The following POLDIP3 variants were observed in gnomAD, a reference collection of about 807,000 sequenced individuals.
The protein encoded by POLDIP3 is polymerase delta-interacting protein 3.
Under a neutral mutation model 45.1 loss-of-function variants are expected in POLDIP3, and 14 were observed. The ratio of observed to expected loss-of-function variants is 0.31; its 90% CI spans 0.20 to 0.49. POLDIP3 has a LOEUF of 0.49. POLDIP3 is among the 20% of genes least tolerant of loss of function. The probability of loss-of-function intolerance (pLI) is 0.99; values close to 1 mark genes in which losing one functional copy is unlikely to be tolerated. For synonymous variants in POLDIP3, 223 were observed against 205.2 expected (o/e 1.09, Z -0.74); for missense variants, 511 against 538.8 (o/e 0.95, Z 0.51).
chr22:42,586,361 A>C (rs185799278), intron 8 of POLDIP3, among the ~76,000 whole-genome samples: 41 of 151,530 alleles, frequency 2.7e-4, no homozygotes, highest in Admixed American at 8.6e-4. Context: ...ACAGAATCTC[A>C]CTCTGTCACC....
intron 1 of POLDIP3, among the ~76,000 whole-genome samples, chr22:42,606,641 A>G (rs1166115626): frequency 6.6e-6 from 1 of 152,222 alleles, no homozygotes; most frequent in Non-Finnish European, 1.5e-5. Context: ...ATTTTAAAAA[A>G]TTTAAAAGGA....
chr22:42,604,294 G>A (rs982834947), intron 1 of POLDIP3, among the ~76,000 whole-genome samples: 1 of 152,102 alleles, frequency 6.6e-6, no homozygotes, highest in South Asian at 2.1e-4. Flanking sequence ...GGGGCGGGGG[G>A]AGGAGAATGG....
chr22:42,587,501 C>G lies in POLDIP3; in HGVS notation c.1088+5G>C. The stretch of plus-strand genomic sequence containing the variant: ...TCTCCCCAGCACCCCGCCTTTGGAA[C>G]TCACAGCAGGATGGGCTGGTCTGAG... On this transcript the variant is annotated splice_donor_5th_base_variant and intron_variant, in intron 8 of 8. Coordinates refer to ENST00000252115, the MANE Select transcript of POLDIP3 (RefSeq NM_032311.5). The G allele has an allele frequency of 6.2e-7, 1 of 1,613,042 alleles. No individual in the cohort carries two copies. Among genetic ancestry groups the G allele is most frequent in the Non-Finnish European group, 8.5e-7 (1 of 1,179,014 alleles).
At position 42,609,443 on chromosome 22, in the gene POLDIP3, G is replaced by A. The variant is rs538604460; in HGVS notation, c.59+5356C>T. On this transcript the variant is annotated intron_variant, in intron 1 of 8. Transcript: ENST00000252115. ...AAATTCTCTCCTCTATACCCCCTAC[G>A]GGAACCTGGCATAGGTGTGATGACC... Among the ~76,000 whole-genome samples the A allele has an allele frequency of 2.4e-4, 37 of 152,272 alleles. 2 individuals are homozygous for A. Among genetic ancestry groups the A allele is most frequent in the African/African-American group, 8.9e-4 (37 of 41,554 alleles).
chr22:42,588,820 G>A (rs1480278149), intron 7 of POLDIP3, among the ~76,000 whole-genome samples: 1 of 152,080 alleles, frequency 6.6e-6, no homozygotes, highest in Non-Finnish European at 1.5e-5. Flanking sequence ...TAGAGATGGG[G>A]TTTCCTCATA....
intron 6 of POLDIP3, among the ~76,000 whole-genome samples, chr22:42,593,839 A>C (rs1011393040): frequency 3.3e-5 from 5 of 152,142 alleles, no homozygotes; most frequent in African/African-American, 1.2e-4. Context: ...ATTCTTAATG[A>C]CTTGTCAAGT....
chr22:42,588,004 T>C (rs902518777), intron 7 of POLDIP3, among the ~76,000 whole-genome samples: 5 of 152,284 alleles, frequency 3.3e-5, no homozygotes, highest in African/African-American at 1.2e-4. Context: ...AAGCATAACA[T>C]GTGTAACGGT....
At position 42,614,878 on chromosome 22, in the gene POLDIP3, G is replaced by T. The variant is rs774110822; in HGVS notation, c.-21C>A. ...GCCATCTTGCTCCGCCGAGCAAGCCGAAAGCAGTCGAGACCCCGCGAGCCC... is the reference window on the plus strand; with the variant it reads ...GCCATCTTGCTCCGCCGAGCAAGCCTAAAGCAGTCGAGACCCCGCGAGCCC... On this transcript the variant is annotated 5_prime_UTR_variant, in exon 1 of 9. Transcript: ENST00000252115. 1 of 1,613,814 alleles carries T rather than the reference G, an allele frequency of 6.2e-7. No individual in the cohort carries two copies. Among genetic ancestry groups the T allele is most frequent in the South Asian group, 1.1e-5 (1 of 91,082 alleles).
intron 1 of POLDIP3, 74 bp downstream of exon 1, chr22:42,614,725 G>C (rs1292691651): frequency 5.2e-6 from 8 of 1,534,884 alleles, no homozygotes; most frequent in Admixed American, 1.7e-5. Flanking sequence ...GTCGCTCCCG[G>C]ATCGCTACCT....
At chr22:42,605,458 G>A (rs1426071694) in intron 1 of POLDIP3, among the ~76,000 whole-genome samples, 2 of 152,200 alleles carry the variant, frequency 1.3e-5, no homozygotes, top group African/African-American at 4.8e-5. Flanking sequence ...CCAGCTTAGG[G>A]TATTTTCTTA....
intron 1 of POLDIP3, among the ~76,000 whole-genome samples, chr22:42,607,862 C>G (rs1399422990): frequency 1.3e-5 from 2 of 150,416 alleles, no homozygotes; most frequent in African/African-American, 4.9e-5. Context: ...TGAGGAGCCC[C>G]TCCGCCCAGC....
chr22:42,587,392 A>G, intron 8 of POLDIP3, 114 bp downstream of exon 8: 1 of 1,114,818 alleles, frequency 9.0e-7, no homozygotes, highest in South Asian at 1.4e-5. Context: ...CCATTAGAAC[A>G]GAGGAAACGG....
chr22:42,585,677 AC>A lies in POLDIP3; in HGVS notation c.*113del. On this transcript the variant is annotated 3_prime_UTR_variant, in exon 9 of 9. Transcript: ENST00000252115. ...GTGAGGAAGCTCTTTATCCCTGGCA[AC>A]CCTTCCCACAATCAGGGGTCTCCAG... The A allele has an allele frequency of 7.7e-7, 1 of 1,293,358 alleles. No individual in the cohort carries two copies. Among genetic ancestry groups the A allele is most frequent in the Non-Finnish European group, 1.1e-6 (1 of 931,978 alleles). The allele number at this position is 1,293,358 out of a possible 1,614,324, so 80.1% of individuals were successfully genotyped here. A position where few individuals can be genotyped will look rare whatever the true frequency, so the allele number is the denominator to read the frequency against.
chr22:42,596,482 T>G, intron 4 of POLDIP3, 117 bp from the exon 5 acceptor site: 1 of 1,045,950 alleles, frequency 9.6e-7, no homozygotes, highest in African/African-American at 1.6e-5. Context: ...AGCTCTCTAA[T>G]TCTATTAGAG....
chr22:42,606,271 C>T (rs1396839447), intron 1 of POLDIP3, among the ~76,000 whole-genome samples: 2 of 151,508 alleles, frequency 1.3e-5, no homozygotes, highest in African/African-American at 2.4e-5. Context: ...CCTGTAATCT[C>T]AGCACTTTGG....
chr22:42,600,430 T>C (rs1054952906), intron 3 of POLDIP3, among the ~76,000 whole-genome samples: 2 of 146,986 alleles, frequency 1.4e-5, no homozygotes, highest in African/African-American at 2.5e-5. Context: ...ATCGAGATCA[T>C]CCTGGCTAAC....
chr22:42,593,233 T>C (rs915201476), intron 6 of POLDIP3, among the ~76,000 whole-genome samples: 1 of 152,248 alleles, frequency 6.6e-6, no homozygotes, highest in African/African-American at 2.4e-5. Flanking sequence ...ATTTGAGTAT[T>C]TTCATTCAGT....
rs951228264 is a variant in POLDIP3, at chr22:42,585,592, C to T, written c.*199G>A. The T allele has an allele frequency of 1.6e-5, 10 of 613,362 alleles. No individual in the cohort carries two copies. Among genetic ancestry groups the T allele is most frequent in the East Asian group, 2.9e-5 (1 of 35,056 alleles). The allele number at this position is 613,362 out of a possible 1,614,324, so 38.0% of individuals were successfully genotyped here. A position where few individuals can be genotyped will look rare whatever the true frequency, so the allele number is the denominator to read the frequency against. On this transcript the variant is annotated 3_prime_UTR_variant, in exon 9 of 9. Transcript: ENST00000252115. ...AGATGAAGAAACATACTACAGGAAACGTTAACGTAGAGAGAAGAGCACAGG... is the reference window on the plus strand; with the variant it reads ...AGATGAAGAAACATACTACAGGAAATGTTAACGTAGAGAGAAGAGCACAGG...
At chr22:42,598,223 C>T (rs1359212597) in intron 4 of POLDIP3, among the ~76,000 whole-genome samples, 1 of 149,800 alleles carries the variant, frequency 6.7e-6, no homozygotes, top group African/African-American at 2.5e-5. Context: ...GCTGGGACTG[C>T]AGGTGCCCGC....
Sources: gnomAD v4.1 joint callset for allele counts (sites outside exome capture counted in the v4.1 genomes callset) on GRCh38, gnomAD v4.1.1 for gene constraint, MANE v1.5 for transcripts, NCBI Gene and HGNC (gene_info 2026-07-23, HGNC 2026-07-21) for gene names.